The following PHF24 variants were observed in gnomAD, a reference collection of about 807,000 sequenced individuals.
PHF24 encodes Galpha inhibitory interacting protein.
In PHF24, 25 loss-of-function variants were observed where a neutral mutation model predicts 42.6. That is an observed-to-expected ratio of 0.59 (90% CI 0.43 to 0.82). The LOEUF (loss-of-function observed/expected upper bound fraction) is 0.82, where lower values mean the gene tolerates loss of function less well. Ranked by LOEUF, PHF24 falls within the 40% of genes least tolerant of loss-of-function variation. The pLI, the probability that PHF24 is intolerant of heterozygous loss-of-function variation, is 0.00. For synonymous variants in PHF24, 185 were observed against 204.8 expected (o/e 0.90, Z 0.83); for missense variants, 470 against 538.1 (o/e 0.87, Z 1.25).
the PHF24 span, among the ~76,000 whole-genome samples, chr9:34,884,229 T>C: frequency 2.0e-5 from 3 of 150,790 alleles, no homozygotes; most frequent in Non-Finnish European, 4.4e-5. Context: ...GTTGGGGGAG[T>C]GGGGAGGGAT....
chr9:34,824,979 G>T, the PHF24 span, among the ~76,000 whole-genome samples: 2 of 152,212 alleles, frequency 1.3e-5, no homozygotes, highest in Non-Finnish European at 2.9e-5. Context: ...CTTTGGAAAT[G>T]GGGTTGGAGT....
chr9:34,746,502 G>C, the PHF24 span, among the ~76,000 whole-genome samples: 1 of 152,176 alleles, frequency 6.6e-6, no homozygotes, highest in Non-Finnish European at 1.5e-5. Context: ...GCAAGTGCAA[G>C]ATTGAAAGAG....
the PHF24 span, among the ~76,000 whole-genome samples, chr9:34,678,479 C>T: frequency 3.3e-5 from 5 of 151,922 alleles, no homozygotes; most frequent in South Asian, 4.1e-4. Flanking sequence ...GGATTACAGG[C>T]GCCTGCCACC....
At chr9:34,828,018 ACT>A in the PHF24 span, among the ~76,000 whole-genome samples, 1 of 151,244 alleles carries the variant, frequency 6.6e-6, no homozygotes, top group Admixed American at 6.6e-5. Flanking sequence ...CCACCTACAC[ACT>A]CACACTGCCA....
At chr9:34,690,784 C>T in the PHF24 span, among the ~76,000 whole-genome samples, 3 of 152,154 alleles carry the variant, frequency 2.0e-5, no homozygotes, top group Admixed American at 1.3e-4. Flanking sequence ...ATTCTCCCTA[C>T]CTTAAGCAAA....
the PHF24 span, among the ~76,000 whole-genome samples, chr9:34,711,503 G>T: frequency 1.3e-5 from 2 of 150,130 alleles, no homozygotes; most frequent in Non-Finnish European, 2.9e-5. Flanking sequence ...AAAGTAATGG[G>T]ATTACAAGTG....
At chr9:34,849,762 G>T in the PHF24 span, among the ~76,000 whole-genome samples, 6 of 152,100 alleles carry the variant, frequency 3.9e-5, no homozygotes, top group Non-Finnish European at 8.8e-5. Context: ...TCCATGTTTA[G>T]TGCTTCCTTC....
At chr9:34,918,562 T>A in the PHF24 span, among the ~76,000 whole-genome samples, 1 of 152,196 alleles carries the variant, frequency 6.6e-6, no homozygotes, top group Non-Finnish European at 1.5e-5. Flanking sequence ...CCTGTATATC[T>A]TAAGATATTA....
At chr9:34,770,301 T>C in the PHF24 span, among the ~76,000 whole-genome samples, 3 of 152,078 alleles carry the variant, frequency 2.0e-5, no homozygotes, top group Non-Finnish European at 2.9e-5. Flanking sequence ...ACTTATAAGA[T>C]AGATGCAAAT....
chr9:34,767,551 G>A, the PHF24 span, among the ~76,000 whole-genome samples: 2 of 152,218 alleles, frequency 1.3e-5, no homozygotes, highest in Admixed American at 6.5e-5. Context: ...TTTTAAGCCC[G>A]TCGGAAAGGC....
chr9:34,757,154 C>T, the PHF24 span, among the ~76,000 whole-genome samples: 74 of 152,194 alleles, frequency 4.9e-4, no homozygotes, highest in African/African-American at 1.6e-3. Context: ...CCACCCACTT[C>T]GGTCTCCCAA....
the PHF24 span, chr9:34,681,352 T>C: frequency 6.6e-6 from 1 of 152,298 alleles, no homozygotes; most frequent in East Asian, 1.9e-4. Context: ...AAAATAGAGA[T>C]GTAAGATTAC....
chr9:34,670,038 A>G, the PHF24 span, among the ~76,000 whole-genome samples: 1 of 152,214 alleles, frequency 6.6e-6, no homozygotes, highest in Non-Finnish European at 1.5e-5. Flanking sequence ...TCTGGACACC[A>G]AAGCTCATAA....
chr9:34,801,289 T>A, the PHF24 span, among the ~76,000 whole-genome samples: 1 of 152,146 alleles, frequency 6.6e-6, no homozygotes, highest in Non-Finnish European at 1.5e-5. Context: ...AGCAATCCCA[T>A]TACTGGGTAC....
chr9:34,819,156 A>G, the PHF24 span, among the ~76,000 whole-genome samples: 2 of 151,990 alleles, frequency 1.3e-5, no homozygotes, highest in African/African-American at 2.4e-5. Context: ...AATTCCTGAT[A>G]TTGGTAATTT....
the PHF24 span, among the ~76,000 whole-genome samples, chr9:34,669,596 C>T: frequency 1.2e-4 from 18 of 151,082 alleles, no homozygotes; most frequent in Admixed American, 2.6e-4. Context: ...ATCATGAGGG[C>T]GAGGGAGTCC....
the PHF24 span, among the ~76,000 whole-genome samples, chr9:34,682,144 AT>A: frequency 7.5e-6 from 1 of 133,938 alleles, no homozygotes; most frequent in Non-Finnish European, 1.6e-5. Flanking sequence ...CCGGCTAATT[AT>A]TTCTATTTTT....
chr9:34,961,497 A>C (rs1471596201), intron 1 of PHF24, among the ~76,000 whole-genome samples: 1 of 152,248 alleles, frequency 6.6e-6, no homozygotes, highest in African/African-American at 2.4e-5. Context: ...GCACTATGCT[A>C]GATAAATATG....
chr9:34,849,163 T>G, the PHF24 span, among the ~76,000 whole-genome samples: 162 of 152,222 alleles, frequency 1.1e-3, no homozygotes, highest in African/African-American at 3.7e-3. Context: ...CCTTGTTAAC[T>G]TTCTGTCTCG....
Sources: gnomAD v4.1 joint callset for allele counts (sites outside exome capture counted in the v4.1 genomes callset) on GRCh38, gnomAD v4.1.1 for gene constraint, MANE v1.5 for transcripts, NCBI Gene and HGNC (gene_info 2026-07-23, HGNC 2026-07-21) for gene names.